The following NPAS3 variants were observed in gnomAD, a reference collection of about 807,000 sequenced individuals.
NPAS3 encodes the protein neuronal PAS domain-containing protein 3.
A neutral mutation model predicts 73.1 loss-of-function variants in NPAS3; 14 were observed. The ratio of observed to expected loss-of-function variants is 0.19; its 90% CI spans 0.13 to 0.30. The LOEUF is 0.30. Among genes scored for constraint, NPAS3 ranks in the 10% least tolerant of loss-of-function variants. The probability of loss-of-function intolerance (pLI) is 1.00; values close to 1 mark genes in which losing one functional copy is unlikely to be tolerated. For missense variants in NPAS3, 1,096 were observed against 1,250.0 expected (o/e 0.88, Z 1.86); for synonymous variants, 620 against 541.5 (o/e 1.14, Z -2.01).
chr14:33,275,106 A>C (rs1594574316), intron 3 of NPAS3, among the ~76,000 whole-genome samples: 1 of 152,192 alleles, frequency 6.6e-6, no homozygotes, highest in East Asian at 1.9e-4. Flanking sequence ...GAGAGAAAAT[A>C]AGAATCCAGA....
intron 3 of NPAS3, among the ~76,000 whole-genome samples, chr14:33,246,477 C>T (rs1343822427): frequency 2.8e-5 from 4 of 144,126 alleles, no homozygotes; most frequent in Non-Finnish European, 3.0e-5. Flanking sequence ...GGGACGGAGC[C>T]TGCAGTGAGC....
chr14:33,148,770 C>T (rs2044338502), intron 2 of NPAS3, among the ~76,000 whole-genome samples: 1 of 152,086 alleles, frequency 6.6e-6, no homozygotes, highest in African/African-American at 2.4e-5. Flanking sequence ...CCCTGTAAGC[C>T]TCCAATTCCA....
At chr14:33,563,537 C>CACACACAG in intron 5 of NPAS3, among the ~76,000 whole-genome samples, 155 of 119,698 alleles carry the variant, frequency 1.3e-3, no homozygotes, top group Non-Finnish European at 1.5e-3. Context: ...CACACACACA[C>CACACACAG]AGAGAGAGAG....
intron 5 of NPAS3, among the ~76,000 whole-genome samples, chr14:33,584,278 C>T (rs565882310): frequency 2.6e-5 from 4 of 151,938 alleles, no homozygotes; most frequent in South Asian, 2.1e-4. Flanking sequence ...CGGTATAATC[C>T]TAACATTTTA....
intron 4 of NPAS3, among the ~76,000 whole-genome samples, chr14:33,475,961 C>T (rs1168076107): frequency 6.6e-6 from 1 of 152,188 alleles, no homozygotes; most frequent in Non-Finnish European, 1.5e-5. Context: ...ACTAGAGCCT[C>T]ACTTCCCGTT....
At chr14:33,683,098 C>G (rs1387632428) in intron 6 of NPAS3, among the ~76,000 whole-genome samples, 1 of 151,802 alleles carries the variant, frequency 6.6e-6, no homozygotes, top group Non-Finnish European at 1.5e-5. Flanking sequence ...GGTTACAACT[C>G]AGAAAAAAAA....
intron 1 of NPAS3, among the ~76,000 whole-genome samples, chr14:32,939,945 C>A (rs1181083041): frequency 6.6e-6 from 1 of 152,192 alleles, no homozygotes; most frequent in African/African-American, 2.4e-5. Flanking sequence ...CCGGGCCGAG[C>A]CCAGAGGAGC....
intron 6 of NPAS3, among the ~76,000 whole-genome samples, chr14:33,686,459 A>G (rs757597726): frequency 2.2e-4 from 33 of 152,340 alleles, no homozygotes; most frequent in Admixed American, 4.6e-4. Context: ...CTTGAGGATC[A>G]TATTTTATGA....
intron 5 of NPAS3, among the ~76,000 whole-genome samples, chr14:33,573,437 C>T (rs1466879657): frequency 6.6e-6 from 1 of 152,120 alleles, no homozygotes; most frequent in African/African-American, 2.4e-5. Flanking sequence ...GTCATGGTCA[C>T]AATAGAGAGA....
chr14:33,404,540 TG>T (rs2047583315), intron 4 of NPAS3, among the ~76,000 whole-genome samples: 1 of 152,112 alleles, frequency 6.6e-6, no homozygotes, highest in Non-Finnish European at 1.5e-5. Context: ...TTTAGACAAA[TG>T]ATACCAAGTA....
At chr14:33,153,182 T>G (rs2139255928) in intron 2 of NPAS3, among the ~76,000 whole-genome samples, 1 of 152,280 alleles carries the variant, frequency 6.6e-6, no homozygotes, top group African/African-American at 2.4e-5. Flanking sequence ...TTCTTCTTAT[T>G]GCTTAGTCTT....
At chr14:33,544,825 A>ATATTATATATATATATAAAAT in intron 4 of NPAS3, among the ~76,000 whole-genome samples, 52 of 112,180 alleles carry the variant, frequency 4.6e-4, no homozygotes, top group African/African-American at 1.8e-3. Context: ...TATATAATAT[A>ATATTATATATATATATAAAAT]TATGTGTATA....
intron 1 of NPAS3, among the ~76,000 whole-genome samples, chr14:33,019,151 G>C (rs1350123435): frequency 6.6e-6 from 1 of 152,166 alleles, no homozygotes; most frequent in African/African-American, 2.4e-5. Flanking sequence ...AAGTGTGTTT[G>C]ATTCGTACCT....
intron 7 of NPAS3, among the ~76,000 whole-genome samples, chr14:33,753,079 A>T (rs1041292260): frequency 6.6e-6 from 1 of 152,188 alleles, no homozygotes; most frequent in African/African-American, 2.4e-5. Flanking sequence ...CTTAAAGAAC[A>T]GTTCATTAGT....
chr14:33,797,850 G>T (rs1053280688), intron 11 of NPAS3, among the ~76,000 whole-genome samples: 2 of 144,924 alleles, frequency 1.4e-5, no homozygotes, highest in Non-Finnish European at 3.0e-5. Flanking sequence ...ATCTGTGTGT[G>T]TGTATATATA....
At chr14:33,557,696 G>A (rs773342247) in intron 4 of NPAS3, among the ~76,000 whole-genome samples, 4 of 152,184 alleles carry the variant, frequency 2.6e-5, no homozygotes, top group Non-Finnish European at 4.4e-5. Flanking sequence ...ACAGCTGGGC[G>A]CAGTGGCTCA....
intron 6 of NPAS3, among the ~76,000 whole-genome samples, chr14:33,683,272 T>G (rs955230937): frequency 6.6e-6 from 1 of 152,050 alleles, no homozygotes; most frequent in African/African-American, 2.4e-5. Flanking sequence ...AAGTCAATTT[T>G]TTAAACCCAT....
chr14:33,257,601 C>T (rs1249237441), intron 3 of NPAS3, among the ~76,000 whole-genome samples: 1 of 152,112 alleles, frequency 6.6e-6, no homozygotes, highest in Non-Finnish European at 1.5e-5. Flanking sequence ...GAAAGTGTGC[C>T]ATAGGAGTAG....
intron 3 of NPAS3, among the ~76,000 whole-genome samples, chr14:33,299,743 A>G (rs766717586): frequency 2.6e-5 from 4 of 152,206 alleles, no homozygotes; most frequent in Non-Finnish European, 4.4e-5. Flanking sequence ...GATAAAATAT[A>G]TAGAATTCCA....
Sources: gnomAD v4.1 joint callset for allele counts (sites outside exome capture counted in the v4.1 genomes callset) on GRCh38, gnomAD v4.1.1 for gene constraint, MANE v1.5 for transcripts, NCBI Gene and HGNC (gene_info 2026-07-23, HGNC 2026-07-21) for gene names.